Variants in FGF12 observed in about 807,000 individuals in gnomAD.
The protein encoded by FGF12 is fibroblast growth factor 12.
A neutral mutation model predicts 23.6 loss-of-function variants in FGF12; 14 were observed. The observed-to-expected ratio is 0.59, with a 90% confidence interval of 0.39 to 0.93. FGF12 has a LOEUF of 0.93. Ranked by LOEUF, FGF12 falls within the 40% of genes least tolerant of loss-of-function variation. The pLI is 0.00. For synonymous variants in FGF12, 62 were observed against 77.3 expected, an observed-to-expected ratio of 0.80 and a Z score of 1.04; for missense variants, 175 against 217.8, an observed-to-expected ratio of 0.80 and a Z score of 1.24.
intron 2 of FGF12, among the ~76,000 whole-genome samples, chr3:192,390,120 G>A (rs1720229639): frequency 6.6e-6 from 1 of 152,192 alleles, no homozygotes; most frequent in Non-Finnish European, 1.5e-5. Context: ...TATCAAAATG[G>A]AGGGATGTGG....
chr3:192,423,734 T>C (rs1721606365), intron 2 of FGF12, among the ~76,000 whole-genome samples: 2 of 152,096 alleles, frequency 1.3e-5, no homozygotes, highest in South Asian at 4.1e-4. Context: ...CTACGATCAG[T>C]GGTTTCTCTG....
At chr3:192,535,053 G>A (rs997191057) in intron 2 of FGF12, among the ~76,000 whole-genome samples, 2 of 151,802 alleles carry the variant, frequency 1.3e-5, no homozygotes, top group Admixed American at 1.3e-4. Context: ...TCATTATTAG[G>A]ATATGTTATA....
intron 2 of FGF12, among the ~76,000 whole-genome samples, chr3:192,483,490 C>T (rs758157999): frequency 3.3e-5 from 5 of 152,178 alleles, no homozygotes; most frequent in East Asian, 1.9e-4. Flanking sequence ...ATGCCTGATA[C>T]GGTTTTATTT....
At chr3:192,615,417 A>C (rs1361785006) in intron 2 of FGF12, among the ~76,000 whole-genome samples, 1 of 151,976 alleles carries the variant, frequency 6.6e-6, no homozygotes, top group East Asian at 1.9e-4. Context: ...ATCTACTAAC[A>C]AATGATTTTC....
At chr3:192,221,316 T>A (rs1203530886) in intron 4 of FGF12, among the ~76,000 whole-genome samples, 2 of 152,192 alleles carry the variant, frequency 1.3e-5, no homozygotes, top group Non-Finnish European at 1.5e-5. Context: ...CACATTCTCT[T>A]AGGCTCTTAT....
intron 2 of FGF12, among the ~76,000 whole-genome samples, chr3:192,426,426 C>A (rs1157412252): frequency 6.6e-6 from 1 of 152,072 alleles, no homozygotes; most frequent in African/African-American, 2.4e-5. Flanking sequence ...TGAACAAATA[C>A]AGGTATAAAG....
At chr3:192,595,151 T>C (rs566814295) in intron 2 of FGF12, among the ~76,000 whole-genome samples, 1 of 152,372 alleles carries the variant, frequency 6.6e-6, no homozygotes, top group Non-Finnish European at 1.5e-5. Context: ...GTATAAATAT[T>C]CCAGCCTCTC....
At chr3:192,707,540 G>T (rs1338004763) in intron 2 of FGF12, among the ~76,000 whole-genome samples, 1 of 152,106 alleles carries the variant, frequency 6.6e-6, no homozygotes, top group African/African-American at 2.4e-5. Context: ...GAGGTCAGGA[G>T]ATCGAGACCA....
intron 2 of FGF12, among the ~76,000 whole-genome samples, chr3:192,670,596 G>A (rs1040654762): frequency 4.6e-5 from 7 of 152,156 alleles, no homozygotes; most frequent in Admixed American, 2.0e-4. Context: ...ATAGATCTAC[G>A]GGCAGATCAG....
chr3:192,648,912 T>G (rs1472228339), intron 2 of FGF12, among the ~76,000 whole-genome samples: 1 of 152,170 alleles, frequency 6.6e-6, no homozygotes, highest in Non-Finnish European at 1.5e-5. Flanking sequence ...ATCTCCAATA[T>G]GGATTCTCAA....
chr3:192,529,037 C>T (rs1343785410), intron 2 of FGF12, among the ~76,000 whole-genome samples: 3 of 152,182 alleles, frequency 2.0e-5, no homozygotes, highest in African/African-American at 4.8e-5. Context: ...TTCAGCTACT[C>T]ATTACTTATG....
At chr3:192,166,827 TAA>T (rs2108612252) in intron 5 of FGF12, among the ~76,000 whole-genome samples, 1 of 152,148 alleles carries the variant, frequency 6.6e-6, no homozygotes, top group East Asian at 1.9e-4. Context: ...TAAAACCAAT[TAA>T]GTTTTTTTTT....
At chr3:192,587,137 G>A (rs1000683622) in intron 2 of FGF12, among the ~76,000 whole-genome samples, 3 of 147,964 alleles carry the variant, frequency 2.0e-5, no homozygotes, top group African/African-American at 7.3e-5. Flanking sequence ...GGAAAGTGCT[G>A]CTCATAACTG....
At chr3:192,261,631 G>A (rs1335408531) in intron 4 of FGF12, among the ~76,000 whole-genome samples, 2 of 152,202 alleles carry the variant, frequency 1.3e-5, no homozygotes, top group Non-Finnish European at 2.9e-5. Flanking sequence ...ATGCCACACT[G>A]TAACAAAGTG....
At chr3:192,628,461 ACAC>A (rs1715259785) in intron 2 of FGF12, among the ~76,000 whole-genome samples, 2 of 139,786 alleles carry the variant, frequency 1.4e-5, no homozygotes, top group East Asian at 2.1e-4. Context: ...ACACACACAC[ACAC>A]ACACACACAC....
At chr3:192,352,063 C>T (rs1278113634) in intron 3 of FGF12, among the ~76,000 whole-genome samples, 3 of 151,682 alleles carry the variant, frequency 2.0e-5, no homozygotes, top group Non-Finnish European at 2.9e-5. Context: ...TTGTAATCCT[C>T]CAAACTTATA....
At chr3:192,601,995 T>C (rs890354366) in intron 2 of FGF12, among the ~76,000 whole-genome samples, 4 of 152,146 alleles carry the variant, frequency 2.6e-5, no homozygotes, top group African/African-American at 9.7e-5. Context: ...GCTGACTGTA[T>C]GCTGCATGTT....
At chr3:192,485,142 CA>C (rs1410282307) in intron 2 of FGF12, among the ~76,000 whole-genome samples, 1 of 151,876 alleles carries the variant, frequency 6.6e-6, no homozygotes, top group Non-Finnish European at 1.5e-5. Context: ...TATCTATAAA[CA>C]GGTGTGCATG....
At chr3:192,286,097 T>C (rs189660639) in intron 4 of FGF12, among the ~76,000 whole-genome samples, 148 of 152,154 alleles carry the variant, frequency 9.7e-4, no homozygotes, top group African/African-American at 3.5e-3. Flanking sequence ...AAGGAGGTGA[T>C]AACTGAACCT....
Sources: gnomAD v4.1 joint callset for allele counts (sites outside exome capture counted in the v4.1 genomes callset) on GRCh38, gnomAD v4.1.1 for gene constraint, MANE v1.5 for transcripts, NCBI Gene and HGNC (gene_info 2026-07-23, HGNC 2026-07-21) for gene names.